Variants in TRHDE observed in about 807,000 individuals in gnomAD.
TRHDE encodes thyrotropin-releasing hormone-degrading ectoenzyme.
Under a neutral mutation model 125.7 loss-of-function variants are expected in TRHDE, and 72 were observed. The observed-to-expected ratio is 0.57, with a 90% CI of 0.47 to 0.70. The LOEUF (loss-of-function observed/expected upper bound fraction) is 0.70. Ranked by LOEUF, TRHDE falls within the 30% of genes least tolerant of loss-of-function variation. TRHDE has a pLI of 0.00. For synonymous variants in TRHDE, 509 were observed against 509.1 expected (o/e 1.00, Z 0.00); for missense variants, 1,110 against 1,327.1 (o/e 0.84, Z 2.54).
At chr12:72,408,542 G>A (rs1280984994) in intron 3 of TRHDE, among the ~76,000 whole-genome samples, 1 of 151,902 alleles carries the variant, frequency 6.6e-6, no homozygotes, top group Non-Finnish European at 1.5e-5. Context: ...AAATAAACAA[G>A]GGCACTAAAA....
chr12:72,549,572 T>C lies in TRHDE; in HGVS notation c.1788+7216T>C, dbSNP rs190130375. Among the ~76,000 whole-genome samples, 23 of 151,946 alleles carry C rather than the reference T, an allele frequency of 1.5e-4. No individual in the cohort carries two copies. The East Asian group carries it at 4.4e-3, about 29-fold the overall frequency. On this transcript the variant is annotated intron_variant, in intron 7 of 18. Transcript: ENST00000261180. ...GGTAAAAAGGTTAATAACTTGAAAA[T>C]AATTTGATGTGTTCAATGTCATATG...
At chr12:72,327,566 T>A (rs1869397607) in intron 2 of TRHDE, among the ~76,000 whole-genome samples, 1 of 152,128 alleles carries the variant, frequency 6.6e-6, no homozygotes, top group South Asian at 2.1e-4. Flanking sequence ...AACACTATAT[T>A]TATAGTAACA....
intron 9 of TRHDE, among the ~76,000 whole-genome samples, chr12:72,566,413 A>G (rs1300274456): frequency 2.7e-4 from 41 of 151,898 alleles, no homozygotes; most frequent in Admixed American, 9.2e-4. Context: ...AGTTAACCTT[A>G]TAGTTAACTT....
At chr12:72,095,204 G>A (rs1874884584) in intron 1 of TRHDE, among the ~76,000 whole-genome samples, 1 of 152,176 alleles carries the variant, frequency 6.6e-6, no homozygotes, top group African/African-American at 2.4e-5. Flanking sequence ...TAGCAGTGCA[G>A]TGTCACCTTG....
chr12:72,294,356 C>CTG (rs371146365), intron 2 of TRHDE, among the ~76,000 whole-genome samples: 60 of 151,514 alleles, frequency 4.0e-4, no homozygotes, highest in African/African-American at 1.4e-3. Flanking sequence ...GGGAACCTGT[C>CTG]TGTGTGTGTG....
chr12:72,152,881 G>C (rs1043112460), intron 2 of TRHDE, among the ~76,000 whole-genome samples: 2 of 152,138 alleles, frequency 1.3e-5, no homozygotes, highest in African/African-American at 4.8e-5. Flanking sequence ...TCTCTGCCAG[G>C]CTTTGGTATC....
chr12:72,179,081 C>T (rs1226063790), intron 2 of TRHDE, among the ~76,000 whole-genome samples: 1 of 151,974 alleles, frequency 6.6e-6, no homozygotes, highest in Admixed American at 6.6e-5. Context: ...CAGGAGGTGA[C>T]TGATGTAATA....
intron 10 of TRHDE, among the ~76,000 whole-genome samples, chr12:72,571,951 C>T (rs1302451882): frequency 6.9e-6 from 1 of 145,608 alleles, no homozygotes; most frequent in Admixed American, 7.0e-5. Flanking sequence ...TCCTTTGCTT[C>T]CTACCGTTCC....
chr12:72,157,663 T>C (rs1168273532), intron 2 of TRHDE, among the ~76,000 whole-genome samples: 4 of 152,092 alleles, frequency 2.6e-5, no homozygotes, highest in African/African-American at 9.7e-5. Flanking sequence ...GGGAAGACCA[T>C]GGAAGAAAAT....
chr12:72,484,770 A>G (rs1160685639), intron 5 of TRHDE, among the ~76,000 whole-genome samples: 2 of 152,328 alleles, frequency 1.3e-5, no homozygotes, highest in African/African-American at 2.4e-5. Context: ...AACAAATCCT[A>G]AAGGTTGGTT....
chr12:72,350,283 C>A (rs988008744), intron 2 of TRHDE, among the ~76,000 whole-genome samples: 1 of 151,990 alleles, frequency 6.6e-6, no homozygotes, highest in Admixed American at 6.6e-5. Flanking sequence ...CATCCCTCCC[C>A]ATTTGGTGGA....
In TRHDE at chr12:72,353,260, T is replaced by A. The variant is rs201908767; in HGVS notation, c.1189-24735T>A. ...TTTTGTAAAACAAAACTGAAGTGTT[T>A]AATCTGTGATCACTCATTCACTTAT... On this transcript the variant is annotated intron_variant, in intron 2 of 18. Coordinates refer to ENST00000261180, the MANE Select transcript of TRHDE (RefSeq NM_013381.3). 3.6e-4 allele frequency among the ~76,000 whole-genome samples: 54 copies of A among 151,840 alleles called. 1 individual carries two copies. In the East Asian group the frequency reaches 8.9e-3, roughly 25 times the overall value.
intron 2 of TRHDE, among the ~76,000 whole-genome samples, chr12:72,196,353 G>A (rs748415950): frequency 5.8e-4 from 89 of 152,196 alleles, no homozygotes; most frequent in Middle Eastern, 3.4e-3. Flanking sequence ...TCCAATCCAT[G>A]AGCATAGAAT....
At chr12:72,264,072 A>G (rs1879012602) in intron 2 of TRHDE, 1 of 152,060 alleles carries the variant, frequency 6.6e-6, no homozygotes, top group Non-Finnish European at 1.5e-5. Flanking sequence ...AAATGTAGCA[A>G]TAAATTCTAA....
At chr12:72,267,855 A>G (rs948561530), upstream of TRHDE, among the ~76,000 whole-genome samples, 2 of 152,004 alleles carry the variant, frequency 1.3e-5, no homozygotes, top group Non-Finnish European at 2.9e-5. Context: ...AAATCGTGAA[A>G]TTTCACCATC....
At chr12:72,517,634 C>G (rs910045790) in intron 6 of TRHDE, among the ~76,000 whole-genome samples, 2 of 151,954 alleles carry the variant, frequency 1.3e-5, no homozygotes, top group African/African-American at 2.4e-5. Flanking sequence ...TTTTTTGTGT[C>G]TCTATGTCCT....
chr12:72,542,033 T>C (rs1430241837), intron 6 of TRHDE, among the ~76,000 whole-genome samples: 2 of 151,488 alleles, frequency 1.3e-5, no homozygotes, highest in Non-Finnish European at 3.0e-5. Flanking sequence ...GAATTACAGC[T>C]TATCATTGCC....
intron 4 of TRHDE, among the ~76,000 whole-genome samples, chr12:72,470,435 G>C (rs561131880): frequency 6.6e-6 from 1 of 152,292 alleles, no homozygotes; most frequent in Non-Finnish European, 1.5e-5. Flanking sequence ...GTCTTGGCAT[G>C]TTTAGAAATT....
In TRHDE at chr12:72,106,272, G is replaced by A. The variant is rs535784440; in HGVS notation, n.279+520G>A. On this transcript the variant is annotated intron_variant and non_coding_transcript_variant, in intron 2 of 4. Coordinates refer to the TRHDE transcript ENST00000548156. ...TGAGGAAAAAATCACTTAAAATATT[G>A]AAATTGTCTACTTTAAAAGTTTAAA... Among the ~76,000 whole-genome samples, 3 of 152,212 alleles carry A rather than the reference G, an allele frequency of 2.0e-5. No individual in the cohort carries two copies. The East Asian group carries it at 5.8e-4, about 29-fold the overall frequency.
Sources: allele counts gnomAD v4.1 joint callset (sites outside exome capture counted in the v4.1 genomes callset), GRCh38; gene constraint gnomAD v4.1.1; transcripts MANE v1.5; gene names NCBI Gene and HGNC (gene_info 2026-07-23, HGNC 2026-07-21).